VPS53: variants seen among roughly 807,000 people sequenced by gnomAD.
The protein encoded by VPS53 is VPS53 subunit of GARP complex.
In VPS53, 70 loss-of-function variants were observed where a neutral mutation model predicts 107.0. That is an observed-to-expected ratio of 0.65 (90% CI 0.54 to 0.80). VPS53 has a LOEUF of 0.80. Among genes scored for constraint, VPS53 ranks in the 30% least tolerant of loss-of-function variants. The pLI is 0.00. For synonymous variants in VPS53, 409 were observed against 393.3 expected (o/e 1.04, Z -0.47); for missense variants, 917 against 1,049.4 (o/e 0.87, Z 1.74).
chr17:648,597 C>T (rs1009597711), intron 7 of VPS53, among the ~76,000 whole-genome samples: 3 of 152,090 alleles, frequency 2.0e-5, no homozygotes, highest in Non-Finnish European at 4.4e-5. Flanking sequence ...CTAAGAATCA[C>T]TAAACATTTG....
Position 517,601 on chromosome 17 carries a change from C to G in VPS53, c.*1527G>C. On this transcript the variant is annotated 3_prime_UTR_variant, in exon 22 of 22. Transcript: ENST00000437048. ...GTGGTGAAATCTTGGCTCACTGCAG[C>G]CTCCACCTCCCGGGTTTAAGTGATT... 2.6e-6 allele frequency: 1 copy of G among 388,884 alleles called. No homozygotes were observed. The highest frequency in any genetic ancestry group is 3.7e-5 in the East Asian group (1 of 27,304). 24.1% of individuals were successfully genotyped at this position (388,884 alleles called of 1,614,324 possible).
chr17:564,799 T>A (rs1913339886), intron 13 of VPS53, among the ~76,000 whole-genome samples: 1 of 152,158 alleles, frequency 6.6e-6, no homozygotes, highest in Non-Finnish European at 1.5e-5. Context: ...GAGTTGCAAT[T>A]TTTCTCCGAT....
intron 11 of VPS53, among the ~76,000 whole-genome samples, chr17:608,751 G>T (rs1968702585): frequency 6.6e-6 from 1 of 151,670 alleles, no homozygotes; most frequent in South Asian, 2.1e-4. Context: ...GAGTAGCTAA[G>T]AATGCAAGTG....
intron 2 of VPS53, among the ~76,000 whole-genome samples, chr17:709,000 T>C (rs548303781): frequency 9.2e-4 from 140 of 152,336 alleles, no homozygotes; most frequent in Non-Finnish European, 1.2e-3. Flanking sequence ...CTGGAAGAGA[T>C]ACCTAGCTGC....
At chr17:523,417 G>A (rs961943580) in intron 19 of VPS53, 2 of 152,240 alleles carry the variant, frequency 1.3e-5, no homozygotes, top group Non-Finnish European at 2.9e-5. Flanking sequence ...AAAGCCTTCT[G>A]TAATCCTATC....
intron 17 of VPS53, among the ~76,000 whole-genome samples, chr17:540,134 G>GC (rs1367736682): frequency 6.8e-6 from 1 of 146,976 alleles, no homozygotes; most frequent in Admixed American, 7.0e-5. Flanking sequence ...TAAAGGTAAG[G>GC]CCTGTTTCTC....
chr17:628,201 C>G lies in VPS53; in HGVS notation c.718G>C (p.Asp240His). 6.2e-7 allele frequency: 1 copy of G among 1,613,962 alleles called. No individual in the cohort carries two copies. The highest frequency in any genetic ancestry group is 8.5e-7 in the Non-Finnish European group (1 of 1,179,970). The change falls in exon 9 of 22, where the codon GAT becomes CAT. Residue 240 changes from aspartate to histidine, a missense_variant. Coordinates refer to ENST00000437048, the MANE Select transcript of VPS53 (RefSeq NM_001128159.3). ...AGAATATTAGCAACCAGACATGCAT[C>G]TCGTAGAACATTGCTGGGTCCTCCT... is the stretch of plus-strand genomic sequence containing the variant. ...RPGGPSNVLRDACLVANILDP... is the reference protein window; with the variant it reads ...RPGGPSNVLRHACLVANILDP...
chr17:700,716 G>A (rs751416529), intron 2 of VPS53, among the ~76,000 whole-genome samples: 5 of 152,096 alleles, frequency 3.3e-5, no homozygotes, highest in Non-Finnish European at 7.3e-5. Flanking sequence ...ATGGACAAGA[G>A]GAGGTACAAT....
chr17:532,997 T>A, intron 18 of VPS53, 86 bp from the exon 19 acceptor site: 1 of 1,516,280 alleles, frequency 6.6e-7, no homozygotes. Flanking sequence ...CGTATCTCCA[T>A]GAAAAAACCT....
At chr17:639,690 T>A (rs1970345506) in intron 7 of VPS53, among the ~76,000 whole-genome samples, 2 of 152,360 alleles carry the variant, frequency 1.3e-5, no homozygotes, top group South Asian at 4.1e-4. Flanking sequence ...CTCCAGATGC[T>A]GTTTGCCTGG....
At chr17:654,741 AAAAAAAAAAAAAAG>A (rs1227600345) in intron 6 of VPS53, among the ~76,000 whole-genome samples, 18 of 145,226 alleles carry the variant, frequency 1.2e-4, no homozygotes, top group African/African-American at 4.5e-4. Flanking sequence ...CAACTCAAAA[AAAAAAAAAAAAAAG>A]AAAAAAGAAA....
At chr17:538,424 A>G (rs1268268045) in intron 17 of VPS53, 1 of 152,292 alleles carries the variant, frequency 6.6e-6, no homozygotes, top group African/African-American at 2.4e-5. Context: ...TAATATGTTC[A>G]TAGAAGGAAG....
At chr17:637,410 C>G (rs1970242756) in intron 7 of VPS53, among the ~76,000 whole-genome samples, 9 of 152,150 alleles carry the variant, frequency 5.9e-5, no homozygotes, top group Admixed American at 5.9e-4. Context: ...TTTTGTGTCT[C>G]TATCTCCCTC....
chr17:637,063 G>C (rs1215598435), intron 7 of VPS53, among the ~76,000 whole-genome samples: 2 of 152,066 alleles, frequency 1.3e-5, no homozygotes. Context: ...TTTTTTGGTT[G>C]GTAGGCTATT....
intron 13 of VPS53, among the ~76,000 whole-genome samples, chr17:569,399 G>A (rs941050222): frequency 1.3e-5 from 2 of 152,214 alleles, no homozygotes; most frequent in Non-Finnish European, 2.9e-5. Flanking sequence ...GGGAAGTTGG[G>A]TGAAGGGGAA....
chr17:698,507 C>A (rs191503703), intron 3 of VPS53, among the ~76,000 whole-genome samples: 1 of 151,812 alleles, frequency 6.6e-6, no homozygotes, highest in African/African-American at 2.4e-5. Context: ...CAGTTTGAGA[C>A]CAGCCTAGCC....
At chr17:537,363 G>A in intron 17 of VPS53, 187 bp from the exon 18 acceptor site, 1 of 647,104 alleles carries the variant, frequency 1.5e-6, no homozygotes, top group East Asian at 2.8e-5. Flanking sequence ...ATGCGAGTGT[G>A]CCCAGCGGAC....
intron 6 of VPS53, among the ~76,000 whole-genome samples, chr17:654,815 G>A (rs979477204): frequency 1.3e-5 from 2 of 151,824 alleles, no homozygotes; most frequent in African/African-American, 2.4e-5. Context: ...CCACCACCTG[G>A]TTTTACCACC....
intron 15 of VPS53, 41 bp downstream of exon 15, chr17:560,385 C>T (rs1446573643): frequency 6.3e-7 from 1 of 1,593,788 alleles, no homozygotes; most frequent in African/African-American, 1.3e-5. Context: ...CCAGAGGGTT[C>T]AGGAAAAGGA....
Sources: allele counts gnomAD v4.1 joint callset (sites outside exome capture counted in the v4.1 genomes callset), GRCh38; gene constraint gnomAD v4.1.1; transcripts MANE v1.5; gene names NCBI Gene and HGNC (gene_info 2026-07-23, HGNC 2026-07-21).